Variants in ZNF723 observed in about 807,000 individuals in gnomAD.
ZNF723 encodes the protein zinc finger protein 723.
In ZNF723, 5 loss-of-function variants were observed where a neutral mutation model predicts 9.4. The observed-to-expected ratio is 0.53, with a 90% CI of 0.28 to 1.12. The LOEUF is 1.12. Among genes scored for constraint, ZNF723 ranks in the 50% most tolerant of loss-of-function variants. The probability of loss-of-function intolerance (pLI) is 0.10; values close to 1 mark genes in which losing one functional copy is unlikely to be tolerated. For synonymous variants in ZNF723, 158 were observed against 168.8 expected, an observed-to-expected ratio of 0.94 and a Z score of 0.49; for missense variants, 450 against 501.5, an observed-to-expected ratio of 0.90 and a Z score of 0.98.
the ZNF723 span, among the ~76,000 whole-genome samples, chr19:22,814,067 C>T: frequency 6.6e-6 from 1 of 152,212 alleles, no homozygotes; most frequent in Admixed American, 6.5e-5. Flanking sequence ...CCACCTCGGC[C>T]TCCCAAAGTG....
chr19:22,822,648 G>A, the ZNF723 span, among the ~76,000 whole-genome samples: 5 of 152,152 alleles, frequency 3.3e-5, no homozygotes, highest in Non-Finnish European at 5.9e-5. Context: ...GGATCACGAG[G>A]TCAGGAGATC....
chr19:22,854,218 C>A (rs966003239), intron 3 of ZNF723, among the ~76,000 whole-genome samples: 4 of 151,926 alleles, frequency 2.6e-5, no homozygotes, highest in African/African-American at 9.7e-5. Context: ...TGTTAATTTC[C>A]TTCTTTGTCT....
In ZNF723 at chr19:22,858,589, C is replaced by T; in HGVS notation, c.*156C>T. 2.1e-6 allele frequency: 1 copy of T among 481,556 alleles called. No homozygotes were observed. The highest frequency in any genetic ancestry group is 3.2e-5 in the East Asian group (1 of 30,974). The allele number at this position is 481,556 out of a possible 1,614,324, so 29.8% of individuals were successfully genotyped here. On this transcript the variant is annotated 3_prime_UTR_variant, in exon 4 of 4. Coordinates refer to ENST00000600766, the MANE Select transcript of ZNF723 (RefSeq NM_001349726.2). ...TCGAGACCAACCTAACATGGTGAAA[C>T]AACGTCTCTACTAAAATACAAAAAA...
intron 1 of ZNF723, 89 bp from the exon 2 acceptor site, chr19:22,848,170 ACT>A: frequency 3.8e-6 from 2 of 530,156 alleles, no homozygotes; most frequent in East Asian, 3.1e-5. Context: ...TGTTCTCTTT[ACT>A]CTCTCATTTC....
chr19:22,828,635 G>C (rs907983556), upstream of ZNF723, among the ~76,000 whole-genome samples: 1 of 152,106 alleles, frequency 6.6e-6, no homozygotes, highest in East Asian at 1.9e-4. Flanking sequence ...CCTGGTGACA[G>C]AGCGAGACTC....
rs1967515415 is a variant in ZNF723 at position 22,858,382 on chromosome 19, C to T, written c.1491C>T (p.Asn497=). ...CCTTTAACAAGTCCTCAATTCTTAA[C>T]AGACATAAGATAATTCATACTAAAG... ...GKAFNKSSIL[N]RHKIIHTKEK... is the part of the protein sequence containing the mutation. The change falls in exon 4 of 4, where the codon AAC becomes AAT. Residue 497 remains asparagine (N), a synonymous_variant. Transcript: ENST00000600766. 8.4e-6 allele frequency: 7 copies of T among 836,128 alleles called. No homozygotes were observed. The highest frequency in any genetic ancestry group is 1.2e-5 in the Non-Finnish European group (6 of 507,404). 51.8% of individuals were successfully genotyped at this position (836,128 alleles called of 1,614,324 possible). A position where few individuals can be genotyped will look rare whatever the true frequency, so the allele number is the denominator to read the frequency against.
At chr19:22,828,376 G>A (rs113682814), upstream of ZNF723, among the ~76,000 whole-genome samples, 2 of 152,212 alleles carry the variant, frequency 1.3e-5, no homozygotes, top group East Asian at 1.9e-4. Context: ...CAAAGTTGGC[G>A]GGGGGTGGTG....
intron 1 of ZNF723, among the ~76,000 whole-genome samples, chr19:22,842,380 A>G (rs1967258965): frequency 6.6e-6 from 1 of 152,204 alleles, no homozygotes; most frequent in African/African-American, 2.4e-5. Context: ...TAATAATGCC[A>G]CACTGGACAC....
the ZNF723 span, among the ~76,000 whole-genome samples, chr19:22,823,377 C>T: frequency 8.5e-5 from 13 of 152,290 alleles, no homozygotes; most frequent in East Asian, 5.8e-4. Context: ...AATTGTGACT[C>T]TCATATGAGG....
chr19:22,828,943 TG>T (rs967016404), upstream of ZNF723, among the ~76,000 whole-genome samples: 3 of 151,876 alleles, frequency 2.0e-5, no homozygotes, highest in African/African-American at 7.3e-5. Context: ...GAGGCTGAGG[TG>T]GGTGGATCAC....
intron 3 of ZNF723, among the ~76,000 whole-genome samples, chr19:22,853,116 CTT>C (rs1967420781): frequency 6.6e-6 from 1 of 151,986 alleles, no homozygotes; most frequent in South Asian, 2.1e-4. Flanking sequence ...GCAAATAGCT[CTT>C]TATATAACTA....
the ZNF723 span, among the ~76,000 whole-genome samples, chr19:22,817,696 A>G: frequency 1.3e-5 from 2 of 152,198 alleles, no homozygotes; most frequent in African/African-American, 4.8e-5. Flanking sequence ...TGCCCAGCTC[A>G]TAGGTATGAT....
At chr19:22,835,976 A>G (rs1301808117) in intron 1 of ZNF723, among the ~76,000 whole-genome samples, 2 of 152,204 alleles carry the variant, frequency 1.3e-5, no homozygotes, top group South Asian at 4.1e-4. Context: ...TATGAAATGT[A>G]AGCACCTTAA....
chr19:22,820,752 C>T, the ZNF723 span, among the ~76,000 whole-genome samples: 6 of 152,164 alleles, frequency 3.9e-5, no homozygotes, highest in East Asian at 1.9e-4. Context: ...TGGTCCAGCA[C>T]GGCACACACG....
chr19:22,816,515 CTCTT>C, the ZNF723 span, among the ~76,000 whole-genome samples: 1 of 152,168 alleles, frequency 6.6e-6, no homozygotes, highest in Non-Finnish European at 1.5e-5. Flanking sequence ...GAGGTGGCGC[CTCTT>C]ATACCTAAAA....
intron 1 of ZNF723, among the ~76,000 whole-genome samples, 155 bp from the exon 2 acceptor site, chr19:22,848,102 TAAAA>T (rs35396612): frequency 7.3e-6 from 1 of 137,232 alleles, no homozygotes; most frequent in Non-Finnish European, 1.6e-5. Flanking sequence ...GACTCTGTCT[TAAAA>T]AAAAAAAAAA....
intron 1 of ZNF723, among the ~76,000 whole-genome samples, chr19:22,844,653 C>A (rs1302784540): frequency 2.6e-5 from 4 of 152,146 alleles, no homozygotes; most frequent in African/African-American, 7.2e-5. Context: ...CTTTAAAGAA[C>A]CAGCAAAGAA....
Position 22,841,284 on chromosome 19 carries a change from C to T in ZNF723, c.4-6977C>T, listed in dbSNP as rs184419424. On this transcript the variant is annotated intron_variant, in intron 1 of 3. Transcript: ENST00000600766. The stretch of plus-strand genomic sequence containing the variant: ...TTGAATATAACCAATAAGCTTACAC[C>T]GATGGCCTTGCCAATTGCCAGGTGA... 2.6e-5 allele frequency among the ~76,000 whole-genome samples: 4 copies of T among 152,202 alleles called. No individual in the cohort carries two copies. In the East Asian group the frequency reaches 7.7e-4, roughly 29 times the overall value.
chr19:22,823,304 C>T, the ZNF723 span, among the ~76,000 whole-genome samples: 2 of 152,304 alleles, frequency 1.3e-5, no homozygotes. Flanking sequence ...TTTTCACCTT[C>T]TTAAATAGCC....
Sources: allele counts gnomAD v4.1 joint callset (sites outside exome capture counted in the v4.1 genomes callset), GRCh38; gene constraint gnomAD v4.1.1; transcripts MANE v1.5; gene names NCBI Gene and HGNC (gene_info 2026-07-23, HGNC 2026-07-21).